Variants in ABTB3 observed in about 807,000 individuals in gnomAD.
ABTB3 encodes the protein ankyrin repeat- and BTB/POZ domain-containing protein 3.
the ABTB3 span, among the ~76,000 whole-genome samples, chr12:107,433,252 TGCAGTCC>T: frequency 8.1e-6 from 1 of 124,180 alleles, no homozygotes; most frequent in Non-Finnish European, 1.6e-5. Flanking sequence ...ATTGCGCCAC[TGCAGTCC>T]GCAGTCCGGC....
chr12:107,468,203 A>G, the ABTB3 span, among the ~76,000 whole-genome samples: 1 of 152,246 alleles, frequency 6.6e-6, no homozygotes, highest in East Asian at 1.9e-4. Context: ...TAATCAAGCA[A>G]AAAAGGGGAA....
At chr12:107,480,421 T>C in the ABTB3 span, among the ~76,000 whole-genome samples, 10 of 152,124 alleles carry the variant, frequency 6.6e-5, no homozygotes, top group Non-Finnish European at 1.0e-4. Context: ...TGGGAGGTCA[T>C]TGGATTTGAT....
the ABTB3 span, among the ~76,000 whole-genome samples, chr12:107,379,656 C>A: frequency 6.6e-6 from 1 of 152,174 alleles, no homozygotes; most frequent in African/African-American, 2.4e-5. Context: ...TCCCCCACAT[C>A]CCATCCTCTC....
chr12:107,581,099 C>T, the ABTB3 span: 1 of 1,545,518 alleles, frequency 6.5e-7, no homozygotes, highest in Admixed American at 2.0e-5. Context: ...CCGGCAGCCC[C>T]TGCCTCCGGG....
chr12:107,382,560 T>C, the ABTB3 span, among the ~76,000 whole-genome samples: 1 of 152,204 alleles, frequency 6.6e-6, no homozygotes, highest in African/African-American at 2.4e-5. Context: ...GATTTTGGGC[T>C]GAGACTATAG....
At chr12:107,509,528 A>G in the ABTB3 span, among the ~76,000 whole-genome samples, 4 of 152,146 alleles carry the variant, frequency 2.6e-5, no homozygotes, top group Non-Finnish European at 5.9e-5. Context: ...GGGGAGACAG[A>G]CCCCCTACCC....
chr12:107,645,042 G>A, the ABTB3 span, among the ~76,000 whole-genome samples: 28,916 of 148,350 alleles, frequency 0.19, 2,927 homozygotes, highest in Middle Eastern at 0.29. Flanking sequence ...GCGCAATCTC[G>A]GCTTACTGCA....
the ABTB3 span, among the ~76,000 whole-genome samples, chr12:107,589,870 T>C: frequency 6.6e-6 from 1 of 152,232 alleles, no homozygotes; most frequent in East Asian, 1.9e-4. Flanking sequence ...GGAAGTGTGT[T>C]GGTGGTACTA....
chr12:107,649,147 G>T, the ABTB3 span: 33 of 1,489,464 alleles, frequency 2.2e-5, no homozygotes, highest in South Asian at 2.1e-4. Flanking sequence ...GGCATCCACC[G>T]AATGGCTTTG....
the ABTB3 span, among the ~76,000 whole-genome samples, chr12:107,429,636 A>G: frequency 6.6e-6 from 1 of 152,168 alleles, no homozygotes; most frequent in Admixed American, 6.5e-5. Flanking sequence ...GTGGGTTCTG[A>G]GAGGTTTGAC....
chr12:107,634,193 A>G, the ABTB3 span, among the ~76,000 whole-genome samples: 2 of 152,190 alleles, frequency 1.3e-5, no homozygotes, highest in Non-Finnish European at 2.9e-5. Context: ...TCGGGAACAC[A>G]ATGAAGTAGG....
the ABTB3 span, among the ~76,000 whole-genome samples, chr12:107,470,227 T>C: frequency 1.3e-5 from 2 of 151,872 alleles, no homozygotes; most frequent in South Asian, 4.2e-4. Flanking sequence ...TTAATAGATA[T>C]GGAGTTTCAG....
At chr12:107,584,020 G>T in the ABTB3 span, among the ~76,000 whole-genome samples, 3 of 152,188 alleles carry the variant, frequency 2.0e-5, no homozygotes, top group Non-Finnish European at 2.9e-5. Context: ...GTAAGTGAAG[G>T]ATTTACAAGT....
chr12:107,571,922 C>A, the ABTB3 span, among the ~76,000 whole-genome samples: 8 of 152,166 alleles, frequency 5.3e-5, no homozygotes, highest in African/African-American at 1.9e-4. Context: ...TGGTCTCAGC[C>A]TTTGGTCGGC....
chr12:107,566,686 A>C, the ABTB3 span, among the ~76,000 whole-genome samples: 59 of 91,094 alleles, frequency 6.5e-4, 1 homozygote, highest in African/African-American at 1.8e-3. Context: ...CACACACACA[A>C]ACATCTTTAC....
At chr12:107,603,419 T>C in the ABTB3 span, among the ~76,000 whole-genome samples, 1 of 152,214 alleles carries the variant, frequency 6.6e-6, no homozygotes, top group Non-Finnish European at 1.5e-5. Flanking sequence ...GGATTATTGA[T>C]AAACAGATGC....
the ABTB3 span, among the ~76,000 whole-genome samples, chr12:107,334,817 C>T: frequency 6.6e-6 from 1 of 152,024 alleles, no homozygotes; most frequent in African/African-American, 2.4e-5. Flanking sequence ...AAGGAGCAGC[C>T]AAGTGTGGAG....
chr12:107,346,346 C>T, the ABTB3 span, among the ~76,000 whole-genome samples: 1 of 152,178 alleles, frequency 6.6e-6, no homozygotes, highest in Non-Finnish European at 1.5e-5. Flanking sequence ...GGAGGAGAAG[C>T]ATCCAGGGCC....
the ABTB3 span, among the ~76,000 whole-genome samples, chr12:107,403,796 A>C: frequency 6.6e-6 from 1 of 152,126 alleles, no homozygotes; most frequent in Non-Finnish European, 1.5e-5. Context: ...CCAAAGGGCC[A>C]CATATTTCCT....
Sources: allele counts gnomAD v4.1 joint callset (sites outside exome capture counted in the v4.1 genomes callset), GRCh38; gene constraint gnomAD v4.1.1; transcripts MANE v1.5; gene names NCBI Gene and HGNC (gene_info 2026-07-23, HGNC 2026-07-21).